Variants in SPATA13 observed in about 807,000 individuals in gnomAD.
The protein encoded by SPATA13 is spermatogenesis-associated protein 13.
Under a neutral mutation model 104.0 loss-of-function variants are expected in SPATA13, and 50 were observed. The ratio of observed to expected loss-of-function variants is 0.48; its 90% confidence interval spans 0.38 to 0.61. The LOEUF is 0.61. Ranked by LOEUF, SPATA13 falls within the 20% of genes least tolerant of loss-of-function variation. The pLI is 0.00. For missense variants in SPATA13, 1,524 were observed against 1,690.6 expected, an observed-to-expected ratio of 0.90 and a Z score of 1.73; for synonymous variants, 606 against 667.5, an observed-to-expected ratio of 0.91 and a Z score of 1.42.
intron 3 of SPATA13, among the ~76,000 whole-genome samples, chr13:24,076,260 T>C (rs1879323062): frequency 6.6e-6 from 1 of 152,166 alleles, no homozygotes; most frequent in African/African-American, 2.4e-5. Context: ...TTATTAACTA[T>C]GCAGCCTGAA....
chr13:24,044,432 C>T (rs558186218), intron 3 of SPATA13, among the ~76,000 whole-genome samples: 2 of 152,052 alleles, frequency 1.3e-5, no homozygotes, highest in South Asian at 2.1e-4. Flanking sequence ...GGGGTTTCAC[C>T]GTGTTGGCCA....
intron 3 of SPATA13, among the ~76,000 whole-genome samples, chr13:24,096,241 A>G (rs553053747): frequency 1.3e-5 from 2 of 152,312 alleles, no homozygotes; most frequent in South Asian, 2.1e-4. Flanking sequence ...GGATATCAAC[A>G]TTAAATAAAT....
At chr13:24,272,006 A>G (rs1426096210) in intron 4 of SPATA13, among the ~76,000 whole-genome samples, 1 of 152,232 alleles carries the variant, frequency 6.6e-6, no homozygotes, top group African/African-American at 2.4e-5. Context: ...CTATATTGAG[A>G]ACACAGACCA....
rs1049152818 is a variant in SPATA13, at chr13:24,304,968, T to C, written c.*2195T>C. 5 of 152,264 alleles carry C rather than the reference T, an allele frequency of 3.3e-5. No individual in the cohort carries two copies. The highest frequency in any genetic ancestry group is 7.3e-5 in the Non-Finnish European group (5 of 68,052). 9.4% of individuals were successfully genotyped at this position (152,264 alleles called of 1,614,324 possible). The stretch of plus-strand genomic sequence containing the variant: ...TGGAAACTACTTAATATGCTTTTCC[T>C]GCACACCTTAGCAATAACTGTAGGG... On this transcript the variant is annotated 3_prime_UTR_variant, in exon 13 of 13. Coordinates refer to ENST00000382108, the MANE Select transcript of SPATA13 (RefSeq NM_001166271.3).
At chr13:24,193,168 G>A (rs902759929) in intron 1 of SPATA13, among the ~76,000 whole-genome samples, 4 of 152,150 alleles carry the variant, frequency 2.6e-5, no homozygotes, top group Non-Finnish European at 2.9e-5. Flanking sequence ...GCATGTGGGC[G>A]CTGGATGGAT....
At position 24,305,392 on chromosome 13, in the gene SPATA13, C is replaced by A. The variant is rs1425884191; in HGVS notation, c.*2619C>A. 1 of 152,174 alleles carries A rather than the reference C, an allele frequency of 6.6e-6. No individual in the cohort carries two copies. Among genetic ancestry groups the A allele is most frequent in the African/African-American group, 2.4e-5 (1 of 41,432 alleles). 9.4% of individuals were successfully genotyped at this position (152,174 alleles called of 1,614,324 possible). On this transcript the variant is annotated 3_prime_UTR_variant, in exon 13 of 13. Transcript: ENST00000382108. ...CCTGGGTGGATCCTACTTGGATGTT[C>A]AGGTGATTTTGAAAACTGCTAACAT...
chr13:24,268,868 G>A (rs767938503), intron 4 of SPATA13, among the ~76,000 whole-genome samples: 1 of 152,178 alleles, frequency 6.6e-6, no homozygotes, highest in Non-Finnish European at 1.5e-5. Context: ...AAGGCTATGA[G>A]TTTCCCAGAA....
At chr13:24,108,660 A>G (rs1052732881) in intron 3 of SPATA13, among the ~76,000 whole-genome samples, 20 of 10,130 alleles carry the variant, frequency 2.0e-3, no homozygotes, top group South Asian at 0.016. Context: ...TTTTCATGGT[A>G]GGGGGGGGGA....
intron 3 of SPATA13, among the ~76,000 whole-genome samples, chr13:24,115,827 C>T (rs1239198699): frequency 6.6e-6 from 1 of 152,234 alleles, no homozygotes; most frequent in African/African-American, 2.4e-5. Context: ...GGGTGGCTCA[C>T]TCAGATGCCA....
intron 3 of SPATA13, among the ~76,000 whole-genome samples, chr13:24,142,783 G>A (rs1300589430): frequency 6.6e-6 from 1 of 150,960 alleles, no homozygotes; most frequent in Non-Finnish European, 1.5e-5. Context: ...CAGGCATTTG[G>A]TAGGTCACTC....
chr13:24,218,631 C>A (rs559239028), intron 1 of SPATA13, among the ~76,000 whole-genome samples: 6 of 152,140 alleles, frequency 3.9e-5, no homozygotes, highest in East Asian at 1.9e-4. Context: ...CAGTGGGCCG[C>A]AGGCTGCATG....
chr13:24,001,304 G>A (rs1345560962), intron 2 of SPATA13, among the ~76,000 whole-genome samples: 1 of 152,122 alleles, frequency 6.6e-6, no homozygotes, highest in Non-Finnish European at 1.5e-5. Context: ...ACGCCTCTGC[G>A]CTAAGGTCAG....
At chr13:24,278,915 T>TCCTA (rs1875232962) in intron 4 of SPATA13, 14 of 1,269,562 alleles carry the variant, frequency 1.1e-5, no homozygotes, top group Non-Finnish European at 1.5e-5. Flanking sequence ...CTTCCTTCCT[T>TCCTA]CCTTCCTTCC....
chr13:24,083,835 G>A (rs964062002), intron 3 of SPATA13, among the ~76,000 whole-genome samples: 1 of 152,114 alleles, frequency 6.6e-6, no homozygotes, highest in Non-Finnish European at 1.5e-5. Context: ...TCATTTCCCG[G>A]CTGCTCCTTC....
intron 3 of SPATA13, among the ~76,000 whole-genome samples, chr13:24,056,775 C>T (rs778042533): frequency 8.5e-5 from 13 of 152,122 alleles, no homozygotes; most frequent in South Asian, 2.1e-4. Flanking sequence ...AAGACAAGTA[C>T]GTTGCTGTGC....
intron 1 of SPATA13, among the ~76,000 whole-genome samples, chr13:24,192,759 G>A (rs1869836227): frequency 6.6e-6 from 1 of 152,264 alleles, no homozygotes; most frequent in South Asian, 2.1e-4. Flanking sequence ...TGTGGAAGGG[G>A]TGCCATGGAG....
chr13:24,070,413 A>G (rs7333781), intron 3 of SPATA13, among the ~76,000 whole-genome samples: 71,904 of 151,824 alleles, frequency 0.47, 17,123 homozygotes, highest in East Asian at 0.53. Context: ...GAAGAGAGAG[A>G]GGAGATATCT....
At chr13:24,027,422 C>T (rs1414969774) in intron 3 of SPATA13, among the ~76,000 whole-genome samples, 2 of 152,130 alleles carry the variant, frequency 1.3e-5, no homozygotes, top group East Asian at 3.9e-4. Flanking sequence ...CGTGAGCCAC[C>T]ATGCCTGGCT....
chr13:24,276,985 G>A (rs1041762159), intron 4 of SPATA13, among the ~76,000 whole-genome samples: 3 of 152,144 alleles, frequency 2.0e-5, no homozygotes, highest in African/African-American at 7.2e-5. Flanking sequence ...TCAGCAATTC[G>A]TAATTCAATT....
Sources: gnomAD v4.1 joint callset for allele counts (sites outside exome capture counted in the v4.1 genomes callset) on GRCh38, gnomAD v4.1.1 for gene constraint, MANE v1.5 for transcripts, NCBI Gene and HGNC (gene_info 2026-07-23, HGNC 2026-07-21) for gene names.